Variants in PMS1 observed in about 807,000 individuals in gnomAD.
The protein encoded by PMS1 is PMS1 homolog 1, mismatch repair system component, also known as PMS1 protein homolog 1.
In PMS1, 79 loss-of-function variants were observed where a neutral mutation model predicts 93.1. The ratio of observed to expected loss-of-function variants is 0.85; its 90% CI spans 0.71 to 1.02. PMS1 has a LOEUF of 1.02. Among genes scored for constraint, PMS1 ranks in the 50% least tolerant of loss-of-function variants. The pLI is 0.00. For synonymous variants in PMS1, 335 were observed against 363.4 expected (o/e 0.92, Z 0.89); for missense variants, 1,064 against 1,085.3 (o/e 0.98, Z 0.28).
chr2:189,872,672 G>A (rs5743178), intron 11 of PMS1, among the ~76,000 whole-genome samples: 1 of 151,956 alleles, frequency 6.6e-6, no homozygotes, highest in African/African-American at 2.4e-5. Context: ...TTGCTCTGTT[G>A]CCCAGGCTGG....
intron 5 of PMS1, among the ~76,000 whole-genome samples, chr2:189,822,725 A>G (rs1405217309): frequency 2.0e-5 from 3 of 152,238 alleles, no homozygotes; most frequent in Non-Finnish European, 2.9e-5. Flanking sequence ...TTACTTTGCT[A>G]AGCAAGAAAC....
intron 9 of PMS1, among the ~76,000 whole-genome samples, chr2:189,860,983 C>T (rs1336752809): frequency 6.6e-6 from 1 of 151,294 alleles, no homozygotes; most frequent in African/African-American, 2.4e-5. Context: ...AAAGTGTAGA[C>T]AAAGTTCGTT....
In PMS1 at chr2:189,828,089, A is replaced by T. The variant is rs565615265; in HGVS notation, c.582+9909A>T. On this transcript the variant is annotated intron_variant, in intron 5 of 12. Coordinates refer to ENST00000441310, the MANE Select transcript of PMS1 (RefSeq NM_000534.5). ...CAGGCACCTACCACCACGCCCGGCT[A>T]ATTTTTTGTTTTTTTTAGTAGAGAC... Among the ~76,000 whole-genome samples, 6 of 147,744 alleles carry T rather than the reference A, an allele frequency of 4.1e-5. No homozygotes were observed. The East Asian group carries it at 9.8e-4, about 24-fold the overall frequency.
In PMS1 at chr2:189,841,692, C is replaced by T. The variant is rs1318800644; in HGVS notation, c.583-2272C>T. 3.3e-5 allele frequency among the ~76,000 whole-genome samples: 5 copies of T among 151,898 alleles called. 1 individual carries two copies. The highest frequency in any genetic ancestry group is 7.4e-5 in the Non-Finnish European group (5 of 67,962). ...AGAATCCTTTGGTCCAGTCTCCTCT[C>T]TCTTTCTCTGTTATAGACTTCTGCC... On this transcript the variant is annotated intron_variant, in intron 5 of 12. Coordinates refer to ENST00000441310, the MANE Select transcript of PMS1 (RefSeq NM_000534.5).
Position 189,855,052 on chromosome 2 carries a change from C to A in PMS1, c.1780C>A (p.Pro594Thr). 1 of 1,613,132 alleles carries A rather than the reference C, an allele frequency of 6.2e-7. No homozygotes were observed. The highest frequency in any genetic ancestry group is 2.2e-5 in the East Asian group (1 of 44,822). ...TCGTCCTCAGTTTCTCATAGAAAAT[C>A]CTAAGACTAGTTTAGAGGATGCAAC... ...DHRPQFLIEN[P>T]KTSLEDATLQ... The change falls in exon 9 of 13, where the codon CCT becomes ACT. Residue 594 changes from proline (P) to threonine (T), a missense_variant. Transcript: ENST00000441310.
chr2:189,825,225 A>G (rs1482584515), intron 5 of PMS1, among the ~76,000 whole-genome samples: 1 of 152,132 alleles, frequency 6.6e-6, no homozygotes, highest in Non-Finnish European at 1.5e-5. Flanking sequence ...TTCTTTCATC[A>G]CCATGTTCCT....
chr2:189,805,994 C>T lies in PMS1; in HGVS notation c.418+240C>T, dbSNP rs970290506. 4 of 1,318,318 alleles carry T rather than the reference C, an allele frequency of 3.0e-6. No individual in the cohort carries two copies. In the African/African-American group the frequency reaches 6.0e-5, roughly 20 times the overall value. The allele number at this position is 1,318,318 out of a possible 1,614,324, so 81.7% of individuals were successfully genotyped here. A position where few individuals can be genotyped will look rare whatever the true frequency, so the allele number is the denominator to read the frequency against. ...GGACACTTCCATGGACTAGTTACTC[C>T]TCTGTAAAAACTAAGAGTATTTATT... On this transcript the variant is annotated intron_variant, in intron 4 of 12. Transcript: ENST00000441310.
At chr2:189,868,911 G>A (rs985663126) in intron 11 of PMS1, among the ~76,000 whole-genome samples, 2 of 152,010 alleles carry the variant, frequency 1.3e-5, no homozygotes, top group African/African-American at 4.8e-5. Flanking sequence ...AATGTGTTTT[G>A]GGGAAAGTCA....
In PMS1 at chr2:189,855,106, T is replaced by C. The variant is rs763806939; in HGVS notation, c.1834T>C (p.Leu612=). Residue 612 remains leucine, a synonymous_variant, in exon 9 of 13, where the codon TTG becomes CTG. Coordinates refer to ENST00000441310, the MANE Select transcript of PMS1 (RefSeq NM_000534.5). ...TLQIEELWKT[L]SEEEKLKYEE... ...ACAAATTGAAGAACTGTGGAAGACA[T>C]TGAGTGAAGAGGAAAAACTGAAGTA... 3.7e-6 allele frequency: 6 copies of C among 1,613,332 alleles called. No individual in the cohort carries two copies. Among genetic ancestry groups the C allele is most frequent in the Non-Finnish European group, 5.1e-6 (6 of 1,179,518 alleles).
At chr2:189,860,760 T>A (rs887973970) in intron 9 of PMS1, among the ~76,000 whole-genome samples, 2 of 148,730 alleles carry the variant, frequency 1.3e-5, no homozygotes, top group African/African-American at 4.9e-5. Context: ...AAGTCTTAAG[T>A]AGGTGATAAT....
intron 5 of PMS1, among the ~76,000 whole-genome samples, chr2:189,818,956 G>T (rs920415845): frequency 2.6e-5 from 4 of 152,300 alleles, no homozygotes; most frequent in African/African-American, 7.2e-5. Flanking sequence ...ACATGGATAT[G>T]TTGTGTAGTG....
chr2:189,852,882 A>G (rs969431391), intron 7 of PMS1, 105 bp downstream of exon 7: 4 of 751,112 alleles, frequency 5.3e-6, no homozygotes, highest in Non-Finnish European at 9.2e-6. Flanking sequence ...AAGAAATACA[A>G]TGTCATTTAT....
At chr2:189,862,671 T>C (rs2056143504) in intron 9 of PMS1, among the ~76,000 whole-genome samples, 1 of 152,192 alleles carries the variant, frequency 6.6e-6, no homozygotes, top group Non-Finnish European at 1.5e-5. Context: ...GTAGAGGTTT[T>C]GTTTTATATT....
chr2:189,805,574 T>TA, intron 3 of PMS1, 78 bp from the exon 4 acceptor site: 4 of 1,121,546 alleles, frequency 3.6e-6, no homozygotes. Context: ...TATTATGCAA[T>TA]AATCATTTCA....
At chr2:189,871,304 T>C (rs1397195059) in intron 11 of PMS1, among the ~76,000 whole-genome samples, 1 of 151,660 alleles carries the variant, frequency 6.6e-6, no homozygotes, top group Admixed American at 6.6e-5. Flanking sequence ...TAATAATAGC[T>C]CATGAGCTTT....
chr2:189,864,955 A>G (rs1389950957), intron 10 of PMS1, among the ~76,000 whole-genome samples: 2 of 151,340 alleles, frequency 1.3e-5, no homozygotes, highest in African/African-American at 4.8e-5. Flanking sequence ...GCATACCTTT[A>G]TCAGTAATTA....
chr2:189,846,012 C>G (rs551119471), intron 6 of PMS1, among the ~76,000 whole-genome samples: 40 of 152,288 alleles, frequency 2.6e-4, no homozygotes, highest in Non-Finnish European at 4.1e-4. Flanking sequence ...GCGTGAGCCA[C>G]TGCATCTGGC....
chr2:189,786,284 C>T (rs771215827), intron 1 of PMS1, among the ~76,000 whole-genome samples: 46 of 152,182 alleles, frequency 3.0e-4, no homozygotes, highest in Admixed American at 5.2e-4. Context: ...TTAAGTGGGG[C>T]AGCAACATGA....
intron 3 of PMS1, among the ~76,000 whole-genome samples, chr2:189,802,545 A>G (rs2049983060): frequency 6.6e-6 from 1 of 152,196 alleles, no homozygotes; most frequent in African/African-American, 2.4e-5. Context: ...GTGTTGTGGA[A>G]GGGTCAACTG....
Sources: allele counts gnomAD v4.1 joint callset (sites outside exome capture counted in the v4.1 genomes callset), GRCh38; gene constraint gnomAD v4.1.1; transcripts MANE v1.5; gene names NCBI Gene and HGNC (gene_info 2026-07-23, HGNC 2026-07-21).